Variants in MMRN1 observed in about 807,000 individuals in gnomAD.
MMRN1 encodes the protein multimerin-1.
MMRN1 carries 94 observed loss-of-function variants against 100.7 expected under a neutral mutation model. The ratio of observed to expected loss-of-function variants is 0.93; its 90% CI spans 0.79 to 1.11. MMRN1 has a LOEUF of 1.11. MMRN1 is among the 50% of genes least tolerant of loss of function. The pLI is 0.00. For missense variants in MMRN1, 1,606 were observed against 1,439.1 expected (o/e 1.12, Z -1.88); for synonymous variants, 575 against 505.0 (o/e 1.14, Z -1.86).
At chr4:89,908,897 T>C (rs909313928) in intron 1 of MMRN1, among the ~76,000 whole-genome samples, 1 of 151,470 alleles carries the variant, frequency 6.6e-6, no homozygotes, top group Non-Finnish European at 1.5e-5. Flanking sequence ...TATTTACTTA[T>C]GCTTTACTGC....
chr4:89,895,472 C>A lies in MMRN1; in HGVS notation c.501C>A (p.Gly167=), dbSNP rs777792571. Residue 167 remains glycine, a synonymous_variant, in exon 1 of 8, where the codon GGC becomes GGA. Coordinates refer to ENST00000264790, the MANE Select transcript of MMRN1 (RefSeq NM_007351.3). The part of the protein sequence containing the change: ...NTVGGTGGIG[G]VGGTGGVGNR... ...TTGGAGGCACTGGAGGCATTGGAGG[C>A]GTTGGAGGCACTGGAGGCGTGGGAA... is the stretch of plus-strand genomic sequence containing the variant. 2 of 1,613,698 alleles carry A rather than the reference C, an allele frequency of 1.2e-6. No homozygotes were observed. Among genetic ancestry groups the A allele is most frequent in the South Asian group, 1.1e-5 (1 of 91,054 alleles).
chr4:89,930,980 C>A (rs1053724399), intron 5 of MMRN1, among the ~76,000 whole-genome samples: 9 of 152,068 alleles, frequency 5.9e-5, no homozygotes, highest in Non-Finnish European at 1.2e-4. Flanking sequence ...TTAGTCTTTT[C>A]TAATTCATTT....
intron 3 of MMRN1, among the ~76,000 whole-genome samples, chr4:89,916,814 T>C (rs1721935679): frequency 6.6e-6 from 1 of 151,790 alleles, no homozygotes; most frequent in East Asian, 1.9e-4. Flanking sequence ...GTCTATTCCC[T>C]TTTTTAATGG....
intron 1 of MMRN1, among the ~76,000 whole-genome samples, chr4:89,908,529 T>C (rs1008328659): frequency 2.6e-5 from 4 of 151,570 alleles, no homozygotes; most frequent in African/African-American, 9.7e-5. Flanking sequence ...GGCTTTTTCT[T>C]TAAAACTTTT....
At chr4:89,882,641 T>C (rs1178409362) in intron 1 of MMRN1, among the ~76,000 whole-genome samples, 1 of 151,120 alleles carries the variant, frequency 6.6e-6, no homozygotes, top group Non-Finnish European at 1.5e-5. Context: ...ATATATATGT[T>C]GTATTCAGTA....
At chr4:89,909,509 G>C (rs753247444) in intron 2 of MMRN1, 114 bp downstream of exon 2, 54 of 1,316,348 alleles carry the variant, frequency 4.1e-5, no homozygotes, top group Non-Finnish European at 5.4e-5. Context: ...TCAGGGGATG[G>C]TAGTCACATT....
chr4:89,886,248 T>C (rs1375290993), intron 1 of MMRN1, among the ~76,000 whole-genome samples: 1 of 152,064 alleles, frequency 6.6e-6, no homozygotes, highest in Non-Finnish European at 1.5e-5. Flanking sequence ...AAATTTGATA[T>C]GTTTTGATTA....
At chr4:89,893,212 G>A (rs529497418), upstream of MMRN1, among the ~76,000 whole-genome samples, 5 of 151,958 alleles carry the variant, frequency 3.3e-5, no homozygotes, top group African/African-American at 9.7e-5. Context: ...CTAAGGCAAG[G>A]TTTGTGGATT....
At chr4:89,919,158 A>G (rs1466004875) in intron 3 of MMRN1, among the ~76,000 whole-genome samples, 1 of 151,456 alleles carries the variant, frequency 6.6e-6, no homozygotes, top group Non-Finnish European at 1.5e-5. Flanking sequence ...ATGCTCTATT[A>G]TTTTTAAATG....
At chr4:89,941,420 T>C (rs909847396) in intron 6 of MMRN1, among the ~76,000 whole-genome samples, 4 of 152,210 alleles carry the variant, frequency 2.6e-5, no homozygotes, top group Admixed American at 2.6e-4. Context: ...GGACAACATT[T>C]CTGTGTGCTC....
chr4:89,896,526 A>G (rs2110580069), intron 1 of MMRN1, among the ~76,000 whole-genome samples: 1 of 152,282 alleles, frequency 6.6e-6, no homozygotes, highest in South Asian at 2.1e-4. Context: ...TATGTTTGGA[A>G]TACTAGAAGT....
intron 6 of MMRN1, among the ~76,000 whole-genome samples, chr4:89,948,181 A>G (rs1359595660): frequency 6.6e-6 from 1 of 152,192 alleles, no homozygotes; most frequent in African/African-American, 2.4e-5. Flanking sequence ...ATTGTATAAC[A>G]AAGTACAAAT....
rs1219862712 is a variant in MMRN1 at position 89,895,517 on chromosome 4, A to T, written c.546A>T (p.Thr182=). 5.0e-6 allele frequency: 8 copies of T among 1,613,836 alleles called. No individual in the cohort carries two copies. In the South Asian group the frequency reaches 5.5e-5, roughly 11 times the overall value. The change falls in exon 1 of 8, where the codon ACA becomes ACT. Residue 182 remains threonine, a synonymous_variant. Coordinates refer to ENST00000264790, the MANE Select transcript of MMRN1 (RefSeq NM_007351.3). The part of the protein sequence containing the change: ...GGVGNRAPRE[T]YLSRGDSSSS... ...TGGGAAATCGAGCCCCACGGGAAACATACCTCAGCCGGGGTGACAGCAGTT... is the reference window on the plus strand; with the variant it reads ...TGGGAAATCGAGCCCCACGGGAAACTTACCTCAGCCGGGGTGACAGCAGTT...
At chr4:89,886,077 C>A (rs1720930194) in intron 1 of MMRN1, among the ~76,000 whole-genome samples, 2 of 133,652 alleles carry the variant, frequency 1.5e-5, no homozygotes, top group Non-Finnish European at 3.1e-5. Flanking sequence ...TTTTAGTAGA[C>A]GTGGGGTTTT....
rs984049038 is a variant in MMRN1, at chr4:89,953,533, GT to G, written c.*122del. ...TTCTACAGGAAATGAAAATCAACTT[GT>G]TTTTTTAATATGAGTAAACTTGTAT... is the stretch of plus-strand genomic sequence containing the variant. On this transcript the variant is annotated 3_prime_UTR_variant, in exon 8 of 8. Transcript: ENST00000264790. 2 of 877,946 alleles carry G rather than the reference GT, an allele frequency of 2.3e-6. No individual in the cohort carries two copies. Among genetic ancestry groups the G allele is most frequent in the Non-Finnish European group, 3.3e-6 (2 of 609,848 alleles). 54.4% of individuals were successfully genotyped at this position (877,946 alleles called of 1,614,324 possible). A position where few individuals can be genotyped will look rare whatever the true frequency, so the allele number is the denominator to read the frequency against.
At chr4:89,942,452 C>A (rs1013167636) in intron 6 of MMRN1, among the ~76,000 whole-genome samples, 1 of 152,054 alleles carries the variant, frequency 6.6e-6, no homozygotes, top group African/African-American at 2.4e-5. Flanking sequence ...TCTAAGTGAA[C>A]ATGATATTTT....
intron 5 of MMRN1, among the ~76,000 whole-genome samples, chr4:89,928,251 T>G (rs1240490141): frequency 6.6e-6 from 1 of 152,058 alleles, no homozygotes; most frequent in Non-Finnish European, 1.5e-5. Flanking sequence ...TTAAAGTGAG[T>G]CATATTAATT....
chr4:89,907,702 A>C (rs558173813), intron 1 of MMRN1, among the ~76,000 whole-genome samples: 1 of 151,362 alleles, frequency 6.6e-6, no homozygotes, highest in Non-Finnish European at 1.5e-5. Context: ...AAAGTGTCCA[A>C]ATTTCTGTTA....
chr4:89,885,345 C>T (rs1415827538), intron 1 of MMRN1, among the ~76,000 whole-genome samples: 1 of 151,910 alleles, frequency 6.6e-6, no homozygotes, highest in East Asian at 1.9e-4. Flanking sequence ...TAATACTTTT[C>T]CTTTTATGTC....
Sources: allele counts gnomAD v4.1 joint callset (sites outside exome capture counted in the v4.1 genomes callset), GRCh38; gene constraint gnomAD v4.1.1; transcripts MANE v1.5; gene names NCBI Gene and HGNC (gene_info 2026-07-23, HGNC 2026-07-21).